ZBTB49: variants seen among roughly 807,000 people sequenced by gnomAD.
ZBTB49 encodes zinc finger and BTB domain-containing protein 49.
A neutral mutation model predicts 57.5 loss-of-function variants in ZBTB49; 43 were observed. That is an observed-to-expected ratio of 0.75 (90% confidence interval 0.59 to 0.97). ZBTB49 has a LOEUF of 0.97. ZBTB49 is among the 50% of genes least tolerant of loss of function. The pLI, the probability that ZBTB49 is intolerant of heterozygous loss-of-function variation, is 0.00. For missense variants in ZBTB49, 938 were observed against 947.7 expected (o/e 0.99, Z 0.13); for synonymous variants, 369 against 362.1 (o/e 1.02, Z -0.22).
Position 4,302,625 on chromosome 4 carries a change from A to G in ZBTB49, c.789A>G (p.Glu263=). The G allele has an allele frequency of 6.2e-7, 1 of 1,613,038 alleles. No homozygotes were observed. The highest frequency in any genetic ancestry group is 8.5e-7 in the Non-Finnish European group (1 of 1,179,484). ...AGCCTTGTGCCGTCAGTCATTCTGA[A>G]TGCATCCTGGAGTCTCCCGAGCACT... is the stretch of plus-strand genomic sequence containing the variant. ...ESQPCAVSHS[E]CILESPEHLP... is the part of the protein sequence containing the mutation. Residue 263 remains glutamate (E), a synonymous_variant, in exon 3 of 8, where the codon GAA becomes GAG. Transcript: ENST00000337872.
Position 4,321,197 on chromosome 4 carries a change from CT to C in ZBTB49, c.2180del (p.Leu727ArgfsTer21). On this transcript the variant is annotated frameshift_variant, in exon 8 of 8. Coordinates refer to ENST00000337872, the MANE Select transcript of ZBTB49 (RefSeq NM_145291.4). LOFTEE classifies it high-confidence loss of function. ...TTTGGACAACCACGGCGGTGACCCC[CT>C]GGGCAGTCGAGCATCTTCCACCACT... ...AALDNHGGDPLGSRASSTTYR... is the reference protein window; with the variant it reads ...AALDNHGGDPXGSRASSTTYR... The C allele has an allele frequency of 6.2e-7, 1 of 1,614,208 alleles. No homozygotes were observed. Among genetic ancestry groups the C allele is most frequent in the Non-Finnish European group, 8.5e-7 (1 of 1,180,038 alleles).
chr4:4,300,246 G>C, intron 2 of ZBTB49, 149 bp downstream of exon 2: 1 of 886,388 alleles, frequency 1.1e-6, no homozygotes, highest in Admixed American at 3.1e-5. Context: ...TAATTTTTAA[G>C]TTTGTTAACC....
At chr4:4,307,144 A>G (rs1330921337) in intron 4 of ZBTB49, among the ~76,000 whole-genome samples, 1 of 152,112 alleles carries the variant, frequency 6.6e-6, no homozygotes, top group Non-Finnish European at 1.5e-5. Flanking sequence ...GCCTGCTGGG[A>G]TTCACCAAGT....
chr4:4,318,356 C>T (rs1721272820), intron 7 of ZBTB49, among the ~76,000 whole-genome samples: 1 of 152,196 alleles, frequency 6.6e-6, no homozygotes, highest in Non-Finnish European at 1.5e-5. Flanking sequence ...TGGCTCACGC[C>T]TGTAATCCCA....
At chr4:4,295,556 G>A (rs1467771701) in intron 1 of ZBTB49, among the ~76,000 whole-genome samples, 2 of 152,200 alleles carry the variant, frequency 1.3e-5, no homozygotes, top group East Asian at 3.8e-4. Context: ...AAACTTAGAA[G>A]CCTTTTCAGG....
intron 3 of ZBTB49, among the ~76,000 whole-genome samples, chr4:4,305,074 T>G (rs1720678901): frequency 1.3e-5 from 2 of 152,128 alleles, no homozygotes; most frequent in Admixed American, 6.5e-5. Flanking sequence ...ATGGGGGCTT[T>G]AACTTATTAT....
chr4:4,314,189 G>A (rs1158223518), intron 5 of ZBTB49, among the ~76,000 whole-genome samples: 1 of 152,218 alleles, frequency 6.6e-6, no homozygotes, highest in South Asian at 2.1e-4. Flanking sequence ...CTACCTGAAC[G>A]CTGAAAGTCA....
chr4:4,318,405 C>T (rs1294937481), intron 7 of ZBTB49, among the ~76,000 whole-genome samples: 1 of 152,192 alleles, frequency 6.6e-6, no homozygotes, highest in African/African-American at 2.4e-5. Context: ...CACTTGACGT[C>T]AGGAGTTTGA....
rs947672704 is a variant in ZBTB49 at position 4,321,483 on chromosome 4, G to A, written c.*167G>A. ...ATCTGAAGCATCTTGAGCTGGGGGT[G>A]TGAGGGGGAGGGCCTGCTGGCTCAC... On this transcript the variant is annotated 3_prime_UTR_variant, in exon 8 of 8. Transcript: ENST00000337872. The A allele has an allele frequency of 1.5e-5, 12 of 792,048 alleles. No individual in the cohort carries two copies. The highest frequency in any genetic ancestry group is 2.3e-5 in the Non-Finnish European group (12 of 513,018). 49.1% of individuals were successfully genotyped at this position (792,048 alleles called of 1,614,324 possible).
intron 4 of ZBTB49, among the ~76,000 whole-genome samples, chr4:4,307,506 G>A (rs1340537005): frequency 6.6e-6 from 1 of 152,190 alleles, no homozygotes; most frequent in Non-Finnish European, 1.5e-5. Flanking sequence ...AACAAGATTA[G>A]TTAACCTCAT....
chr4:4,305,875 G>A (rs1242678721), intron 3 of ZBTB49, among the ~76,000 whole-genome samples: 1 of 152,120 alleles, frequency 6.6e-6, no homozygotes, highest in Non-Finnish European at 1.5e-5. Context: ...GGTCTGCTCT[G>A]GATGCAAATA....
intron 3 of ZBTB49, among the ~76,000 whole-genome samples, chr4:4,305,335 A>G (rs1443288705): frequency 6.6e-6 from 1 of 152,216 alleles, no homozygotes; most frequent in African/African-American, 2.4e-5. Flanking sequence ...TTTTTAAAGA[A>G]GATCTTAATG....
intron 1 of ZBTB49, among the ~76,000 whole-genome samples, chr4:4,296,680 G>A (rs1020748646): frequency 6.6e-6 from 1 of 152,226 alleles, no homozygotes. Context: ...TGAGAAAGGA[G>A]TCATGAGAAA....
chr4:4,290,531 A>G (rs2108859419), intron 1 of ZBTB49, among the ~76,000 whole-genome samples, 179 bp downstream of exon 1: 2 of 152,296 alleles, frequency 1.3e-5, no homozygotes, highest in East Asian at 3.9e-4. Context: ...GTCAGCGAGC[A>G]TTTGCTCTGT....
At chr4:4,297,300 C>T (rs1720252926) in intron 1 of ZBTB49, among the ~76,000 whole-genome samples, 1 of 152,160 alleles carries the variant, frequency 6.6e-6, no homozygotes, top group South Asian at 2.1e-4. Flanking sequence ...GAACTCCTGA[C>T]CTCAGGTGAT....
chr4:4,316,004 C>G (rs1560116124), intron 7 of ZBTB49, 34 bp downstream of exon 7: 2 of 1,609,246 alleles, frequency 1.2e-6, no homozygotes, highest in Admixed American at 1.7e-5. Context: ...CCCTAGTCAT[C>G]TGTGTGTGGG....
chr4:4,299,861 C>T lies in ZBTB49; in HGVS notation c.-19-66C>T, dbSNP rs1349018970. 20 of 1,472,232 alleles carry T rather than the reference C, an allele frequency of 1.4e-5. No individual in the cohort carries two copies. In the South Asian group the frequency reaches 2.2e-4, roughly 16 times the overall value. The allele number at this position is 1,472,232 out of a possible 1,614,324, so 91.2% of individuals were successfully genotyped here. A position where few individuals can be genotyped will look rare whatever the true frequency, so the allele number is the denominator to read the frequency against. ...GAAGCACAGATCAATCAGTAAGTTT[C>T]AGTCCCATTTAGTTTCCAGTGAGGT... is the stretch of plus-strand genomic sequence containing the variant. On this transcript the variant is annotated intron_variant, in intron 1 of 7. Coordinates refer to ENST00000337872, the MANE Select transcript of ZBTB49 (RefSeq NM_145291.4).
chr4:4,317,474 A>G (rs1721236154), intron 7 of ZBTB49, among the ~76,000 whole-genome samples: 1 of 152,018 alleles, frequency 6.6e-6, no homozygotes, highest in Admixed American at 6.6e-5. Flanking sequence ...CCTTATACCC[A>G]TTAGCAACCC....
chr4:4,301,894 A>G (rs1372072702), intron 2 of ZBTB49, 95 bp from the exon 3 acceptor site: 4 of 1,211,844 alleles, frequency 3.3e-6, no homozygotes, highest in Non-Finnish European at 4.3e-6. Flanking sequence ...TCACAGAAGG[A>G]TAGTATTTTT....
Sources: gnomAD v4.1 joint callset for allele counts (sites outside exome capture counted in the v4.1 genomes callset) on GRCh38, gnomAD v4.1.1 for gene constraint, MANE v1.5 for transcripts, NCBI Gene and HGNC (gene_info 2026-07-23, HGNC 2026-07-21) for gene names.